SIPA1L1: variants seen among roughly 807,000 people sequenced by gnomAD.
The protein encoded by SIPA1L1 is signal induced proliferation associated 1 like 1.
SIPA1L1 carries 26 observed loss-of-function variants against 162.7 expected under a neutral mutation model. The observed-to-expected ratio is 0.16, with a 90% CI of 0.12 to 0.22. SIPA1L1 has a LOEUF of 0.22. SIPA1L1 is among the 10% of genes least tolerant of loss of function. The pLI, the probability that SIPA1L1 is intolerant of heterozygous loss-of-function variation, is 1.00. For synonymous variants in SIPA1L1, 829 were observed against 837.4 expected, an observed-to-expected ratio of 0.99 and a Z score of 0.17; for missense variants, 1,874 against 2,241.0, an observed-to-expected ratio of 0.84 and a Z score of 3.31.
In SIPA1L1 at chr14:71,624,172, G is replaced by C; in HGVS notation, c.1754G>C (p.Cys585Ser). Residue 585 changes from cysteine to serine, a missense_variant, in exon 7 of 24, where the codon TGC becomes TCC. Cys to Ser is a moderately radical substitution (Grantham distance 112). Transcript: ENST00000381232. ...EHVVPELNVQ[C>S]LRLAFNTPKV... ...GTGGTTCCTGAGCTCAATGTCCAGTGCCTGCGGTTGGCCTTCAACACACCC... is the reference window on the plus strand; with the variant it reads ...GTGGTTCCTGAGCTCAATGTCCAGTCCCTGCGGTTGGCCTTCAACACACCC... The C allele has an allele frequency of 6.2e-7, 1 of 1,614,178 alleles. No individual in the cohort carries two copies. Among genetic ancestry groups the C allele is most frequent in the Non-Finnish European group, 8.5e-7 (1 of 1,180,008 alleles).
At chr14:71,694,861 A>G (rs1382108385) in intron 13 of SIPA1L1, among the ~76,000 whole-genome samples, 1 of 152,200 alleles carries the variant, frequency 6.6e-6, no homozygotes, top group Admixed American at 6.5e-5. Context: ...CTGTAACTTC[A>G]CTGGACTCAG....
At chr14:71,704,614 T>C (rs2082313900) in intron 15 of SIPA1L1, 1 of 750,886 alleles carries the variant, frequency 1.3e-6, no homozygotes, top group Non-Finnish European at 2.4e-6. Flanking sequence ...GGATAAATTC[T>C]TTATCTCTCA....
chr14:71,579,906 T>C (rs117904507), intron 4 of SIPA1L1, among the ~76,000 whole-genome samples: 210 of 152,334 alleles, frequency 1.4e-3, no homozygotes, highest in Non-Finnish European at 2.5e-3. Context: ...ACTGAGCCCC[T>C]TCCCGTTTCC....
At chr14:71,598,195 C>T (rs2036274200) in intron 5 of SIPA1L1, 1 of 985,146 alleles carries the variant, frequency 1.0e-6, no homozygotes, top group Admixed American at 6.2e-5. Flanking sequence ...AATTGATCCC[C>T]ACAGGCACAA....
intron 4 of SIPA1L1, among the ~76,000 whole-genome samples, chr14:71,542,039 A>G (rs2054430778): frequency 6.6e-6 from 1 of 152,138 alleles, no homozygotes; most frequent in Non-Finnish European, 1.5e-5. Flanking sequence ...CCAACCTGCT[A>G]GAGAATGAAC....
chr14:71,659,715 A>G (rs764233834), intron 9 of SIPA1L1, among the ~76,000 whole-genome samples: 1 of 152,202 alleles, frequency 6.6e-6, no homozygotes, highest in African/African-American at 2.4e-5. Flanking sequence ...AAAATTTACT[A>G]ACAAGATTGG....
At chr14:71,333,862 T>C (rs1391700034) in intron 2 of SIPA1L1, among the ~76,000 whole-genome samples, 1 of 152,066 alleles carries the variant, frequency 6.6e-6, no homozygotes, top group Non-Finnish European at 1.5e-5. Context: ...CAATGCTCTA[T>C]AGGTGAGATA....
intron 2 of SIPA1L1, among the ~76,000 whole-genome samples, chr14:71,475,442 G>T (rs993917074): frequency 1.3e-5 from 2 of 152,228 alleles, no homozygotes; most frequent in South Asian, 4.1e-4. Context: ...TTGTGATGAT[G>T]GTGGTGGGGG....
At chr14:71,641,280 TAA>T (rs764035937) in intron 7 of SIPA1L1, among the ~76,000 whole-genome samples, 2 of 100,772 alleles carry the variant, frequency 2.0e-5, no homozygotes, top group African/African-American at 3.7e-5. Flanking sequence ...CAAGATAATC[TAA>T]AAAAAAAAAA....
chr14:71,644,844 C>T (rs1489113723), intron 7 of SIPA1L1, among the ~76,000 whole-genome samples: 4 of 152,154 alleles, frequency 2.6e-5, no homozygotes, highest in African/African-American at 9.7e-5. Flanking sequence ...CTCCCAAATA[C>T]ACAAGCCTGA....
Position 71,549,424 on chromosome 14 carries a change from C to T in SIPA1L1, c.-303+20054C>T, listed in dbSNP as rs149797015. On this transcript the variant is annotated intron_variant, in intron 4 of 23. Transcript: ENST00000381232. ...TGAACCAAGTAATTCTGCTGACAGC[C>T]GTTCCAAGTCCCAGGATCTCTTTTG... 3.8e-3 allele frequency among the ~76,000 whole-genome samples: 577 copies of T among 152,206 alleles called. 4 individuals are homozygous for T. The highest frequency in any genetic ancestry group is 0.013 in the African/African-American group (553 of 41,536).
chr14:71,704,541 C>T (rs1399285811), intron 15 of SIPA1L1, among the ~76,000 whole-genome samples: 1 of 152,164 alleles, frequency 6.6e-6, no homozygotes, highest in Non-Finnish European at 1.5e-5. Flanking sequence ...CTGTCCTCTA[C>T]ATGTTAGGAA....
chr14:71,450,162 A>G (rs1195595210), intron 2 of SIPA1L1, among the ~76,000 whole-genome samples: 1 of 152,142 alleles, frequency 6.6e-6, no homozygotes. Flanking sequence ...CATTCTTGAT[A>G]GTGTGTTTAT....
chr14:71,348,614 T>A (rs1290068373), intron 2 of SIPA1L1, among the ~76,000 whole-genome samples: 2 of 152,232 alleles, frequency 1.3e-5, no homozygotes, highest in East Asian at 3.8e-4. Context: ...GTGGACTTGC[T>A]GTGTCATAAA....
chr14:71,371,984 G>T (rs2038934764), intron 2 of SIPA1L1, among the ~76,000 whole-genome samples: 1 of 152,142 alleles, frequency 6.6e-6, no homozygotes, highest in African/African-American at 2.4e-5. Flanking sequence ...CATGATTGCT[G>T]AATGGTTGAA....
intron 2 of SIPA1L1, among the ~76,000 whole-genome samples, chr14:71,322,162 T>G (rs1212259574): frequency 6.6e-6 from 1 of 152,214 alleles, no homozygotes; most frequent in African/African-American, 2.4e-5. Context: ...TGGACTGGGA[T>G]TGGCGTTTCC....
chr14:71,537,349 T>C (rs2145615171), intron 4 of SIPA1L1, among the ~76,000 whole-genome samples: 1 of 152,162 alleles, frequency 6.6e-6, no homozygotes, highest in East Asian at 1.9e-4. Context: ...TACAGGCGTG[T>C]GCCACCAGGC....
rs368904890 is a variant in SIPA1L1 at position 71,581,647 on chromosome 14, G to A, written c.-302-5924G>A. Among the ~76,000 whole-genome samples the A allele has an allele frequency of 4.9e-4, 74 of 152,144 alleles. 1 individual carries two copies. The highest frequency in any genetic ancestry group is 1.8e-3 in the African/African-American group (73 of 41,520). On this transcript the variant is annotated intron_variant, in intron 4 of 23. Transcript: ENST00000381232. ...TAAGTTTTTTTAATGTATTTTAAAT[G>A]TATGACAGTTGTATTTTATCATACA...
At chr14:71,389,376 A>G (rs1474497856) in intron 2 of SIPA1L1, among the ~76,000 whole-genome samples, 1 of 152,226 alleles carries the variant, frequency 6.6e-6, no homozygotes, top group Non-Finnish European at 1.5e-5. Flanking sequence ...CATAGTTTCT[A>G]TGTTTCCCTT....
Sources: allele counts gnomAD v4.1 joint callset (sites outside exome capture counted in the v4.1 genomes callset), GRCh38; gene constraint gnomAD v4.1.1; transcripts MANE v1.5; gene names NCBI Gene and HGNC (gene_info 2026-07-23, HGNC 2026-07-21).